SCFD2: variants seen among roughly 807,000 people sequenced by gnomAD.
SCFD2 encodes the protein sec1 family domain containing 2.
A neutral mutation model predicts 58.9 loss-of-function variants in SCFD2; 54 were observed. The observed-to-expected ratio is 0.92, with a 90% CI of 0.74 to 1.15. SCFD2 has a LOEUF of 1.15. Ranked by LOEUF, SCFD2 falls within the 50% of genes most tolerant of loss-of-function variation. The pLI is 0.00. For synonymous variants in SCFD2, 321 were observed against 335.9 expected (o/e 0.96, Z 0.49); for missense variants, 805 against 836.6 (o/e 0.96, Z 0.47).
At chr4:53,194,073 T>G (rs1302827123) in intron 4 of SCFD2, among the ~76,000 whole-genome samples, 3 of 152,214 alleles carry the variant, frequency 2.0e-5, no homozygotes, top group Non-Finnish European at 2.9e-5. Context: ...GAATTTAGCT[T>G]GCTTGCATCC....
intron 2 of SCFD2, among the ~76,000 whole-genome samples, chr4:53,346,491 C>T (rs1466795308): frequency 1.3e-5 from 2 of 152,090 alleles, no homozygotes; most frequent in African/African-American, 4.8e-5. Flanking sequence ...TTAGGCTGGT[C>T]TCAAACTCCT....
chr4:53,004,073 C>A (rs1180981524), intron 5 of SCFD2, among the ~76,000 whole-genome samples: 1 of 152,196 alleles, frequency 6.6e-6, no homozygotes, highest in Non-Finnish European at 1.5e-5. Context: ...TCCTTTTAAT[C>A]AGCAAATATG....
chr4:53,193,887 T>G (rs907322029), intron 4 of SCFD2, among the ~76,000 whole-genome samples: 3 of 152,170 alleles, frequency 2.0e-5, no homozygotes, highest in Non-Finnish European at 4.4e-5. Context: ...GCCTCCTACC[T>G]CACCCCTTCC....
intron 5 of SCFD2, among the ~76,000 whole-genome samples, chr4:53,039,253 T>A (rs1722836638): frequency 6.6e-6 from 1 of 152,188 alleles, no homozygotes; most frequent in South Asian, 2.1e-4. Context: ...ACATACCATA[T>A]GTGTTCAATA....
At chr4:53,269,220 G>A (rs1203710986) in intron 4 of SCFD2, among the ~76,000 whole-genome samples, 1 of 152,272 alleles carries the variant, frequency 6.6e-6, no homozygotes, top group East Asian at 1.9e-4. Flanking sequence ...AGCTACTCAG[G>A]AGTCTGAGGT....
At chr4:52,930,685 T>C (rs1181322983) in intron 5 of SCFD2, among the ~76,000 whole-genome samples, 3 of 152,286 alleles carry the variant, frequency 2.0e-5, no homozygotes, top group African/African-American at 7.2e-5. Flanking sequence ...AGGTTTTATG[T>C]GTTAAATAAG....
chr4:53,299,909 G>A (rs1350850722), intron 3 of SCFD2, among the ~76,000 whole-genome samples: 1 of 152,106 alleles, frequency 6.6e-6, no homozygotes, highest in Non-Finnish European at 1.5e-5. Flanking sequence ...AGAGATTTTT[G>A]TCACCACCAA....
intron 2 of SCFD2, among the ~76,000 whole-genome samples, chr4:53,318,303 G>A (rs1397194344): frequency 2.0e-5 from 3 of 152,054 alleles, no homozygotes; most frequent in Non-Finnish European, 4.4e-5. Context: ...TTTAATTATT[G>A]TAAAATTCTG....
intron 4 of SCFD2, among the ~76,000 whole-genome samples, chr4:53,238,211 G>A (rs556257899): frequency 2.1e-3 from 295 of 142,868 alleles, no homozygotes; most frequent in African/African-American, 6.7e-3. Context: ...CGGACGGGGC[G>A]GCTGGCCGGG....
chr4:53,115,562 G>T (rs1318199774), intron 5 of SCFD2, among the ~76,000 whole-genome samples: 2 of 152,124 alleles, frequency 1.3e-5, no homozygotes, highest in Non-Finnish European at 2.9e-5. Flanking sequence ...CTCATTGGAG[G>T]TATCTTCCCT....
chr4:52,938,355 A>T (rs1275324215), intron 5 of SCFD2, among the ~76,000 whole-genome samples: 2 of 152,118 alleles, frequency 1.3e-5, no homozygotes, highest in Admixed American at 6.5e-5. Flanking sequence ...CAGAGCCCAG[A>T]CTCCTAAATG....
chr4:53,090,647 T>C (rs1046853689), intron 5 of SCFD2, among the ~76,000 whole-genome samples: 6 of 152,144 alleles, frequency 3.9e-5, no homozygotes, highest in Admixed American at 3.9e-4. Flanking sequence ...TTAGTAACCA[T>C]TCATTCACTT....
intron 4 of SCFD2, among the ~76,000 whole-genome samples, chr4:53,233,731 T>C (rs1030868915): frequency 6.6e-6 from 1 of 152,192 alleles, no homozygotes; most frequent in Non-Finnish European, 1.5e-5. Context: ...TGTCTCTCTT[T>C]CATTATTCAA....
At chr4:53,024,452 A>AG (rs924281053) in intron 5 of SCFD2, among the ~76,000 whole-genome samples, 1 of 152,178 alleles carries the variant, frequency 6.6e-6, no homozygotes, top group African/African-American at 2.4e-5. Flanking sequence ...AAGAAGATTG[A>AG]GGGGAAGTGA....
At chr4:53,228,229 T>C (rs957891534) in intron 4 of SCFD2, among the ~76,000 whole-genome samples, 2 of 152,122 alleles carry the variant, frequency 1.3e-5, no homozygotes, top group Non-Finnish European at 2.9e-5. Flanking sequence ...ATAATTTCAG[T>C]ACAAACATCT....
At chr4:53,264,498 A>G (rs1383633064) in intron 4 of SCFD2, among the ~76,000 whole-genome samples, 1 of 152,238 alleles carries the variant, frequency 6.6e-6, no homozygotes, top group African/African-American at 2.4e-5. Context: ...TGACTCTTGA[A>G]TAGCAAGGCC....
chr4:53,300,234 A>T (rs573772599), intron 3 of SCFD2, among the ~76,000 whole-genome samples: 1 of 152,334 alleles, frequency 6.6e-6, no homozygotes, highest in East Asian at 1.9e-4. Context: ...CACAGGCTCA[A>T]AATAAAGGGA....
chr4:53,026,844 A>G (rs1722485923), intron 5 of SCFD2, among the ~76,000 whole-genome samples: 1 of 152,230 alleles, frequency 6.6e-6, no homozygotes, highest in African/African-American at 2.4e-5. Flanking sequence ...TCTTAAAAGG[A>G]AAAGGCAAGA....
chr4:53,356,894 GC>G (rs1308365259), intron 1 of SCFD2, among the ~76,000 whole-genome samples: 1 of 151,706 alleles, frequency 6.6e-6, no homozygotes, highest in African/African-American at 2.4e-5. Context: ...CTGCCACCAC[GC>G]CCGGATAATT....
Sources: gnomAD v4.1 joint callset for allele counts (sites outside exome capture counted in the v4.1 genomes callset) on GRCh38, gnomAD v4.1.1 for gene constraint, MANE v1.5 for transcripts, NCBI Gene and HGNC (gene_info 2026-07-23, HGNC 2026-07-21) for gene names.